Variants in USP9Y observed in about 807,000 individuals in gnomAD.
USP9Y encodes the protein ubiquitin specific peptidase 9 Y-linked, also known as ubiquitin carboxyl-terminal hydrolase 9Y.
A neutral mutation model predicts 53.1 loss-of-function variants in USP9Y; 41 were observed. The ratio of observed to expected loss-of-function variants is 0.77; its 90% CI spans 0.60 to 1.00. The LOEUF (loss-of-function observed/expected upper bound fraction) is 1.00, where lower values mean the gene tolerates loss of function less well. USP9Y is among the 50% of genes least tolerant of loss of function. The pLI is 0.00. For missense variants in USP9Y, 567 were observed against 535.8 expected (o/e 1.06, Z -0.58); for synonymous variants, 220 against 173.7 (o/e 1.27, Z -2.09).
chrY:12,765,350 C>A, intron 15 of USP9Y, among the ~76,000 whole-genome samples: 1 of 32,305 alleles, frequency 3.1e-5, no homozygotes, highest in Non-Finnish European at 7.5e-5. Context: ...AAGGCAGGCA[C>A]ACTCGTGTAA....
Position 12,757,246 on chromosome Y carries a change from C to T in USP9Y, c.1477C>T (p.Arg493Cys), listed in dbSNP as rs751654230. The T allele has an allele frequency of 2.5e-6, 1 of 398,572 alleles. No individual in the cohort carries two copies. Among genetic ancestry groups the T allele is most frequent in the South Asian group, 3.0e-5 (1 of 33,757 alleles). Residue 493 changes from arginine (R) to cysteine (C), a missense_variant, in exon 13 of 46, where the codon CGC becomes TGC. By Grantham distance (180) the Arg-to-Cys change is radical. Coordinates refer to ENST00000338981, the MANE Select transcript of USP9Y (RefSeq NM_004654.4). ...ACGTGAAAAGCTCCTTGAGTTGATACGCCGTCTTGCAGAAGATGATAAAGA... is the reference window on the plus strand; with the variant it reads ...ACGTGAAAAGCTCCTTGAGTTGATATGCCGTCTTGCAGAAGATGATAAAGA... ...KQREKLLELI[R>C]RLAEDDKDGV... is the part of the protein sequence containing the mutation.
intron 24 of USP9Y, among the ~76,000 whole-genome samples, chrY:12,788,421 A>C: frequency 2.9e-5 from 1 of 34,144 alleles, no homozygotes. Flanking sequence ...AGCATTGTGT[A>C]ACTTTTTATT....
Position 12,778,135 on chromosome Y carries a change from G to A in USP9Y, c.2756G>A (p.Cys919Tyr). Residue 919 changes from cysteine to tyrosine, a missense_variant, in exon 20 of 46, where the codon TGT becomes TAT. Transcript: ENST00000338981. ...TNDTIGSVRR[C>Y]IVNRIKANVA... ...GACACAATTGGTTCAGTACGGCGATGTATTGTTAATCGTATTAAAGCCAAT... is the reference window on the plus strand; with the variant it reads ...GACACAATTGGTTCAGTACGGCGATATATTGTTAATCGTATTAAAGCCAAT... 1 of 398,171 alleles carries A rather than the reference G, an allele frequency of 2.5e-6. No individual in the cohort carries two copies. The highest frequency in any genetic ancestry group is 3.5e-6 in the Non-Finnish European group (1 of 283,196).
At chrY:12,756,268 T>C in intron 12 of USP9Y, among the ~76,000 whole-genome samples, 2 of 33,159 alleles carry the variant, frequency 6.0e-5, no homozygotes, top group African/African-American at 1.2e-4. Flanking sequence ...TTTTGTGGTA[T>C]GCATGGGGAG....
intron 27 of USP9Y, among the ~76,000 whole-genome samples, chrY:12,807,538 AT>A (rs2053525916): frequency 3.9e-5 from 1 of 25,939 alleles, no homozygotes; most frequent in South Asian, 9.6e-4. Flanking sequence ...TAATTTTTGT[AT>A]TTTTTGTAGA....
At chrY:12,859,182 A>G in intron 45 of USP9Y, 97 bp from the exon 46 acceptor site, 1 of 271,064 alleles carries the variant, frequency 3.7e-6, no homozygotes, top group Non-Finnish European at 5.5e-6. Flanking sequence ...CAGGTTTAAA[A>G]ATGTCTACTT....
rs748328931 is a variant in USP9Y at position 12,818,572 on chromosome Y, A to G, written c.4983A>G (p.Leu1661=). The change falls in exon 33 of 46, where the codon CTA becomes CTG. Residue 1661 remains leucine, a synonymous_variant. Transcript: ENST00000338981. ...VIFGHLAASQ[L]QYYVPRGFWK... ...TTGGTCATTTAGCTGCTTCCCAACT[A>G]CAATACTATGTACCCAGAGGATTTT... 2.5e-6 allele frequency: 1 copy of G among 398,531 alleles called. No homozygotes were observed. The highest frequency in any genetic ancestry group is 9.2e-5 in the East Asian group (1 of 10,831).
At chrY:12,789,511 A>G (rs2053505386) in intron 24 of USP9Y, among the ~76,000 whole-genome samples, 1 of 32,702 alleles carries the variant, frequency 3.1e-5, no homozygotes, top group Non-Finnish European at 7.5e-5. Flanking sequence ...GTGTGCCTGT[A>G]TTCCCAGTTA....
chrY:12,847,057 C>A lies in USP9Y; in HGVS notation c.6879C>A (p.Asp2293Glu). The change falls in exon 41 of 46, where the codon GAC (aspartate) becomes GAA (glutamate). Residue 2293 changes from aspartate to glutamate, a missense_variant. Asp to Glu is a conservative substitution (Grantham distance 45). Transcript: ENST00000338981. ...RTSYVKKIIEDCSNSEDTIKL... is the reference protein window; with the variant it reads ...RTSYVKKIIEECSNSEDTIKL... ...GTTATGTGAAGAAAATTATTGAAGACTGCAGTAACTCAGAGGATACCATCA... is the reference window on the plus strand; with the variant it reads ...GTTATGTGAAGAAAATTATTGAAGAATGCAGTAACTCAGAGGATACCATCA... 1 of 398,386 alleles carries A rather than the reference C, an allele frequency of 2.5e-6. No homozygotes were observed. Among genetic ancestry groups the A allele is most frequent in the Non-Finnish European group, 3.5e-6 (1 of 283,080 alleles).
intron 22 of USP9Y, among the ~76,000 whole-genome samples, chrY:12,782,512 G>T: frequency 3.0e-5 from 1 of 33,576 alleles, no homozygotes; most frequent in African/African-American, 1.2e-4. Flanking sequence ...TGCATAGTAG[G>T]TCTCAACAGT....
chrY:12,713,788 G>GT (rs2053427505), intron 3 of USP9Y, among the ~76,000 whole-genome samples: 31 of 20,336 alleles, frequency 1.5e-3, no homozygotes, highest in Non-Finnish European at 2.4e-3. Context: ...TTTTGTTTTT[G>GT]TTTTTTTTTT....
chrY:12,855,753 A>G (rs2053575364), intron 42 of USP9Y, among the ~76,000 whole-genome samples: 1 of 32,960 alleles, frequency 3.0e-5, no homozygotes, highest in Non-Finnish European at 7.4e-5. Context: ...GTTTTTTTCA[A>G]CTAAAGAAGT....
chrY:12,803,890 T>G, intron 27 of USP9Y: 1 of 34,279 alleles, frequency 2.9e-5, no homozygotes, highest in East Asian at 7.8e-4. Flanking sequence ...TTGTTTCAGT[T>G]GTGTCCCCAC....
chrY:12,770,385 G>A (rs981661083), intron 15 of USP9Y, among the ~76,000 whole-genome samples: 1 of 32,140 alleles, frequency 3.1e-5, no homozygotes, highest in Non-Finnish European at 7.6e-5. Context: ...ACTCCATCCT[G>A]GCAACAGAGC....
In USP9Y at chrY:12,843,135, A is replaced by G; in HGVS notation, c.6510A>G (p.Ser2170=). 1 of 394,912 alleles carries G rather than the reference A, an allele frequency of 2.5e-6. No homozygotes were observed. ...TAAATCTCTTGAGAAGGGAAGTTTC[A>G]GAGCATGGACATCATTTACAGCAAT... ...ATLNLLRREV[S]EHGHHLQQYF... Residue 2170 remains serine, a synonymous_variant, in exon 39 of 46, where the codon TCA becomes TCG. Coordinates refer to ENST00000338981, the MANE Select transcript of USP9Y (RefSeq NM_004654.4).
intron 42 of USP9Y, among the ~76,000 whole-genome samples, chrY:12,852,447 G>A: frequency 3.0e-5 from 1 of 32,856 alleles, no homozygotes; most frequent in African/African-American, 1.2e-4. Context: ...GCTTCCTTGC[G>A]ATGGTTTCGA....
chrY:12,802,745 T>C, intron 27 of USP9Y: 1 of 28,778 alleles, frequency 3.5e-5, no homozygotes, highest in East Asian at 8.4e-4. Flanking sequence ...TTTTCTTTTT[T>C]TTTTTTTTTT....
chrY:12,758,557 C>A lies in USP9Y; in HGVS notation c.1681C>A (p.Arg561Ser). ...QWIDHFIEEL[R>S]TNDKWVIPAL... ...GATAGATCACTTTATAGAAGAACTT[C>A]GCACAAATGACAAGTGGGTAATTCC... The change falls in exon 14 of 46, where the codon CGC becomes AGC. Residue 561 changes from arginine to serine, a missense_variant. Arg to Ser is a moderately radical substitution (Grantham distance 110). Transcript: ENST00000338981. 1 of 386,647 alleles carries A rather than the reference C, an allele frequency of 2.6e-6. No individual in the cohort carries two copies. Among genetic ancestry groups the A allele is most frequent in the Non-Finnish European group, 3.6e-6 (1 of 275,282 alleles).
intron 33 of USP9Y, among the ~76,000 whole-genome samples, chrY:12,821,429 C>A: frequency 9.3e-5 from 3 of 32,406 alleles, no homozygotes; most frequent in African/African-American, 3.6e-4. Flanking sequence ...CATTGATTAA[C>A]TTTGGATGGT....
Sources: gnomAD v4.1 joint callset for allele counts (sites outside exome capture counted in the v4.1 genomes callset) on GRCh38, gnomAD v4.1.1 for gene constraint, MANE v1.5 for transcripts, NCBI Gene and HGNC (gene_info 2026-07-23, HGNC 2026-07-21) for gene names.